Variants in GATAD2A observed in about 807,000 individuals in gnomAD.
GATAD2A encodes GATA zinc finger domain containing 2A, also known as transcriptional repressor p66-alpha.
Under a neutral mutation model 68.5 loss-of-function variants are expected in GATAD2A, and 12 were observed. The ratio of observed to expected loss-of-function variants is 0.18; its 90% CI spans 0.11 to 0.28. The LOEUF is 0.28. Ranked by LOEUF, GATAD2A falls within the 10% of genes least tolerant of loss-of-function variation. The probability of loss-of-function intolerance (pLI) is 1.00; values close to 1 mark genes in which losing one functional copy is unlikely to be tolerated. For synonymous variants in GATAD2A, 410 were observed against 375.3 expected (o/e 1.09, Z -1.07); for missense variants, 755 against 868.5 (o/e 0.87, Z 1.64).
In GATAD2A at chr19:19,484,149, G is replaced by A. The variant is rs972191488; in HGVS notation, c.270-8157G>A. Among the ~76,000 whole-genome samples the A allele has an allele frequency of 2.4e-4, 37 of 152,160 alleles. 1 individual carries two copies. Among genetic ancestry groups the A allele is most frequent in the Admixed American group, 5.9e-4 (9 of 15,274 alleles). ...GACACACAAGATATTGCCCGGACTG[G>A]CCTGGGCAACACAGCGAGACCCCAC... On this transcript the variant is annotated intron_variant, in intron 2 of 11. Transcript: ENST00000683918.
intron 1 of GATAD2A, among the ~76,000 whole-genome samples, chr19:19,386,324 C>T (rs1471582061): frequency 1.3e-5 from 2 of 151,936 alleles, no homozygotes; most frequent in African/African-American, 2.4e-5. Flanking sequence ...TCTAGGAGAC[C>T]CCGTCTCTCT....
intron 1 of GATAD2A, among the ~76,000 whole-genome samples, chr19:19,461,170 C>T (rs1312971109): frequency 1.3e-5 from 2 of 152,222 alleles, no homozygotes; most frequent in African/African-American, 4.8e-5. Flanking sequence ...AGCCCTGCTG[C>T]TCCCGCCAGT....
Position 19,501,221 on chromosome 19 carries a change from C to T in GATAD2A, c.1308C>T (p.Ala436=), listed in dbSNP as rs2060501791. ...GCTGGCGGGAGGAGAAGAGCGGCGC[C>T]ATCATGTGTGAGAACTGCATGACAA... ...TCRWREEKSG[A]IMCENCMTTN... is the part of the protein sequence containing the mutation. The change falls in exon 9 of 12, where the codon GCC becomes GCT. Residue 436 remains alanine (A), a synonymous_variant. Coordinates refer to ENST00000683918, the MANE Select transcript of GATAD2A (RefSeq NM_001384528.1). 3.1e-6 allele frequency: 5 copies of T among 1,613,500 alleles called. No individual in the cohort carries two copies. The highest frequency in any genetic ancestry group is 4.2e-6 in the Non-Finnish European group (5 of 1,180,004).
At chr19:19,482,975 C>T (rs2059158960) in intron 2 of GATAD2A, among the ~76,000 whole-genome samples, 1 of 152,110 alleles carries the variant, frequency 6.6e-6, no homozygotes, top group Non-Finnish European at 1.5e-5. Flanking sequence ...ATTCTGCACG[C>T]CCCCGAGACT....
Position 19,408,516 on chromosome 19 carries a change from C to G in GATAD2A, c.-7+2497C>G, listed in dbSNP as rs192667109. ...TCTTTTTTAGAAAACTTTTTAGTGT[C>G]TCTGTATTTTGCGTGTGTGTGTATG... On this transcript the variant is annotated intron_variant, in intron 1 of 11. Transcript: ENST00000683918. 2.6e-5 allele frequency among the ~76,000 whole-genome samples: 4 copies of G among 152,028 alleles called. No homozygotes were observed. The South Asian group carries it at 8.3e-4, about 32-fold the overall frequency.
chr19:19,429,639 A>G lies in GATAD2A; in HGVS notation c.-7+23620A>G, dbSNP rs1349834315. Among the ~76,000 whole-genome samples the G allele has an allele frequency of 4.6e-5, 7 of 151,654 alleles. No individual in the cohort carries two copies. In the East Asian group the frequency reaches 1.2e-3, roughly 26 times the overall value. ...CTGCCCCTGCCTGTCTCCTCCTTCAAGGAGGCTGTGGTTCCCATGGCTGAG... is the reference window on the plus strand; with the variant it reads ...CTGCCCCTGCCTGTCTCCTCCTTCAGGGAGGCTGTGGTTCCCATGGCTGAG... On this transcript the variant is annotated intron_variant, in intron 1 of 11. Coordinates refer to ENST00000683918, the MANE Select transcript of GATAD2A (RefSeq NM_001384528.1).
upstream of GATAD2A, among the ~76,000 whole-genome samples, chr19:19,403,853 C>T (rs1486206199): frequency 1.3e-5 from 2 of 152,152 alleles, no homozygotes; most frequent in Non-Finnish European, 2.9e-5. Flanking sequence ...TGCCCTAAAC[C>T]AACCTTGCGC....
At chr19:19,476,756 G>T (rs1333429336) in intron 2 of GATAD2A, among the ~76,000 whole-genome samples, 2 of 152,208 alleles carry the variant, frequency 1.3e-5, no homozygotes, top group African/African-American at 4.8e-5. Flanking sequence ...GGAACCTGCA[G>T]GGGCATGTGT....
intron 1 of GATAD2A, among the ~76,000 whole-genome samples, chr19:19,453,973 GTT>G (rs545327856): frequency 2.3e-5 from 3 of 132,322 alleles, no homozygotes; most frequent in Admixed American, 7.5e-5. Flanking sequence ...AATTTTTTGT[GTT>G]TTTTTTTTTT....
intron 3 of GATAD2A, 28 bp downstream of exon 3, chr19:19,492,466 G>T (rs749161870): frequency 2.5e-6 from 4 of 1,613,720 alleles, no homozygotes; most frequent in Admixed American, 1.7e-5. Flanking sequence ...GCTGCCGCCG[G>T]AGCCCCACTG....
chr19:19,508,227 C>T lies in GATAD2A; in HGVS notation c.*2753C>T, dbSNP rs988213066. 1.3e-5 allele frequency: 2 copies of T among 152,222 alleles called. No homozygotes were observed. The highest frequency in any genetic ancestry group is 2.9e-5 in the Non-Finnish European group (2 of 68,058). The allele number at this position is 152,222 out of a possible 1,614,324, so 9.4% of individuals were successfully genotyped here. A position where few individuals can be genotyped will look rare whatever the true frequency, so the allele number is the denominator to read the frequency against. ...GGCTGGGGAGATCTCAGAGTTCACA[C>T]CTCGCCTGTTGTAGGGGAGGTTGGG... On this transcript the variant is annotated 3_prime_UTR_variant, in exon 12 of 12. Transcript: ENST00000683918.
At chr19:19,465,985 A>G (rs1270547761) in intron 2 of GATAD2A, among the ~76,000 whole-genome samples, 2 of 152,182 alleles carry the variant, frequency 1.3e-5, no homozygotes, top group East Asian at 3.9e-4. Context: ...TTTCAGATCT[A>G]GAGGTCAGAG....
intron 2 of GATAD2A, among the ~76,000 whole-genome samples, chr19:19,487,445 G>A (rs1282325526): frequency 6.6e-6 from 1 of 151,994 alleles, no homozygotes; most frequent in African/African-American, 2.4e-5. Flanking sequence ...GGGGTGGGGT[G>A]GGGTGCCGTG....
intron 1 of GATAD2A, among the ~76,000 whole-genome samples, chr19:19,429,045 G>A (rs1372360945): frequency 6.7e-6 from 1 of 148,780 alleles, no homozygotes; most frequent in Non-Finnish European, 1.5e-5. Flanking sequence ...GCCTCCAGCC[G>A]GTGGTAGAAA....
intron 1 of GATAD2A, among the ~76,000 whole-genome samples, chr19:19,394,148 A>T (rs1249373539): frequency 3.3e-5 from 5 of 151,960 alleles, no homozygotes; most frequent in Non-Finnish European, 5.9e-5. Context: ...TAGGCCTCCC[A>T]AAGTGCTGGG....
At chr19:19,495,680 G>C in intron 5 of GATAD2A, 74 bp from the exon 6 acceptor site, 1 of 1,175,730 alleles carries the variant, frequency 8.5e-7, no homozygotes, top group Non-Finnish European at 1.2e-6. Flanking sequence ...CATAAAAGCA[G>C]CAAAACTGCT....
intron 1 of GATAD2A, among the ~76,000 whole-genome samples, chr19:19,389,087 C>T (rs2048666187): frequency 6.6e-6 from 1 of 151,648 alleles, no homozygotes; most frequent in African/African-American, 2.4e-5. Flanking sequence ...TTTTAATGGC[C>T]CACCCTGGAT....
upstream of GATAD2A, among the ~76,000 whole-genome samples, chr19:19,403,609 G>C (rs1442355520): frequency 3.9e-5 from 6 of 151,962 alleles, no homozygotes; most frequent in Non-Finnish European, 7.4e-5. Flanking sequence ...CACAGGGCTT[G>C]CTGGCTCAAA....
chr19:19,488,195 C>T (rs1036158001), intron 2 of GATAD2A, among the ~76,000 whole-genome samples: 4 of 152,216 alleles, frequency 2.6e-5, no homozygotes, highest in Non-Finnish European at 5.9e-5. Context: ...CAGCGGTGGT[C>T]AGACATTCAC....
Sources: allele counts gnomAD v4.1 joint callset (sites outside exome capture counted in the v4.1 genomes callset), GRCh38; gene constraint gnomAD v4.1.1; transcripts MANE v1.5; gene names NCBI Gene and HGNC (gene_info 2026-07-23, HGNC 2026-07-21).